THSD7B: variants seen among roughly 807,000 people sequenced by gnomAD.
THSD7B encodes the protein thrombospondin type-1 domain-containing protein 7B.
In THSD7B, 138 loss-of-function variants were observed where a neutral mutation model predicts 213.6. The ratio of observed to expected loss-of-function variants is 0.65; its 90% CI spans 0.56 to 0.74. The LOEUF is 0.74. Among genes scored for constraint, THSD7B ranks in the 30% least tolerant of loss-of-function variants. The probability of loss-of-function intolerance (pLI) is 0.00; values close to 1 mark genes in which losing one functional copy is unlikely to be tolerated. For missense variants in THSD7B, 1,931 were observed against 1,991.5 expected (o/e 0.97, Z 0.58); for synonymous variants, 742 against 687.0 (o/e 1.08, Z -1.25).
chr2:137,275,965 GTC>G lies in THSD7B; in HGVS notation c.2441_2442del (p.Ser814CysfsTer10), dbSNP rs781392413. Reference protein sequence around the residue: ...KWSPCILVPESVWQGITGSSE... With the variant: ...KWSPCILVPEXVWQGITGSSE... ...GGAGCCCTTGCATCTTAGTGCCAGA[GTC>G]TGTCTGGCAGGGAATAACGGGCAGC... is the stretch of plus-strand genomic sequence containing the variant. On this transcript the variant is annotated frameshift_variant, in exon 12 of 28. Transcript: ENST00000409968. LOFTEE classifies it high-confidence loss of function. 8.1e-6 allele frequency: 13 copies of G among 1,612,212 alleles called. No individual in the cohort carries two copies. Among genetic ancestry groups the G allele is most frequent in the Non-Finnish European group, 1.0e-5 (12 of 1,178,954 alleles).
chr2:137,364,482 A>G (rs1381781465), intron 12 of THSD7B, among the ~76,000 whole-genome samples: 1 of 152,248 alleles, frequency 6.6e-6, no homozygotes, highest in African/African-American at 2.4e-5. Flanking sequence ...ACATGATTGT[A>G]TATTTAGAAA....
At chr2:136,828,319 A>G (rs1049527088) in intron 1 of THSD7B, among the ~76,000 whole-genome samples, 2 of 152,092 alleles carry the variant, frequency 1.3e-5, no homozygotes, top group Non-Finnish European at 2.9e-5. Flanking sequence ...AGGAACTATC[A>G]TTGACAACTG....
intron 4 of THSD7B, among the ~76,000 whole-genome samples, chr2:137,104,618 G>A (rs1688212716): frequency 6.6e-6 from 1 of 152,092 alleles, no homozygotes; most frequent in Admixed American, 6.5e-5. Flanking sequence ...ATGAATCCAA[G>A]AGCTTGTTTT....
chr2:137,106,093 T>G (rs752529747), intron 4 of THSD7B, among the ~76,000 whole-genome samples: 1 of 152,044 alleles, frequency 6.6e-6, no homozygotes, highest in Non-Finnish European at 1.5e-5. Flanking sequence ...CCAAGAGATA[T>G]CCCAAGCAAA....
chr2:137,286,189 G>A (rs1429372891), intron 12 of THSD7B, among the ~76,000 whole-genome samples: 2 of 151,798 alleles, frequency 1.3e-5, no homozygotes, highest in Admixed American at 6.6e-5. Context: ...TAAGTTGATT[G>A]CCTGAGTTGG....
chr2:137,541,391 A>C (rs1442155459), intron 15 of THSD7B, among the ~76,000 whole-genome samples: 1 of 151,678 alleles, frequency 6.6e-6, no homozygotes, highest in Non-Finnish European at 1.5e-5. Context: ...GGAGACAACT[A>C]TTTTTCAAAT....
chr2:137,520,548 A>C (rs1349350312), intron 15 of THSD7B, among the ~76,000 whole-genome samples: 2 of 152,224 alleles, frequency 1.3e-5, no homozygotes, highest in African/African-American at 4.8e-5. Context: ...AAAGCACTAA[A>C]TTTATAAGAG....
chr2:137,354,762 C>G (rs1236017349), intron 12 of THSD7B, among the ~76,000 whole-genome samples: 2 of 151,552 alleles, frequency 1.3e-5, no homozygotes, highest in African/African-American at 4.8e-5. Flanking sequence ...GTCCGAAAAA[C>G]AGCCCATAAA....
chr2:136,805,419 GT>G (rs1682264045), intron 1 of THSD7B, among the ~76,000 whole-genome samples: 1 of 152,226 alleles, frequency 6.6e-6, no homozygotes, highest in Admixed American at 6.5e-5. Context: ...GAGATGATCT[GT>G]TTCATGAATC....
At chr2:137,298,286 A>G (rs148951368) in intron 12 of THSD7B, among the ~76,000 whole-genome samples, 342 of 152,254 alleles carry the variant, frequency 2.2e-3, no homozygotes, top group African/African-American at 8.0e-3. Context: ...GAGGTGATTT[A>G]GGGTACCTGG....
chr2:137,126,405 C>A (rs1688628933), intron 5 of THSD7B, among the ~76,000 whole-genome samples: 1 of 152,146 alleles, frequency 6.6e-6, no homozygotes, highest in South Asian at 2.1e-4. Context: ...GAGATAGCTC[C>A]TTTTTAAACC....
Position 137,133,133 on chromosome 2 carries a change from A to G in THSD7B, c.1369+17840A>G, listed in dbSNP as rs555702744. ...TTGACTTTTGCCTTGGATTATTATC[A>G]CACTGAATACCTAGGAAATCCACTC... On this transcript the variant is annotated intron_variant, in intron 5 of 27. Transcript: ENST00000409968. Among the ~76,000 whole-genome samples, 17 of 150,772 alleles carry G rather than the reference A, an allele frequency of 1.1e-4. 1 individual carries two copies. The South Asian group carries it at 2.3e-3, about 20-fold the overall frequency.
At chr2:137,261,956 G>A (rs985395173) in intron 10 of THSD7B, among the ~76,000 whole-genome samples, 3 of 150,262 alleles carry the variant, frequency 2.0e-5, no homozygotes, top group African/African-American at 7.4e-5. Context: ...TTGTGGTTGA[G>A]CCATAGCGAG....
chr2:136,802,642 TATATATATA>T, intron 1 of THSD7B, among the ~76,000 whole-genome samples: 1 of 60,360 alleles, frequency 1.7e-5, no homozygotes, highest in East Asian at 5.8e-4. Context: ...ATTAAGTTTA[TATATATATA>T]TATATATATA....
chr2:136,933,911 A>G (rs1443529754), intron 2 of THSD7B, among the ~76,000 whole-genome samples: 1 of 152,222 alleles, frequency 6.6e-6, no homozygotes, highest in Non-Finnish European at 1.5e-5. Flanking sequence ...CAGATCTTCC[A>G]AATTCATAGC....
intron 2 of THSD7B, among the ~76,000 whole-genome samples, chr2:136,885,082 T>C (rs1683694067): frequency 6.6e-6 from 1 of 152,196 alleles, no homozygotes; most frequent in Non-Finnish European, 1.5e-5. Context: ...ATTTTTAGGG[T>C]ATGTTATCAA....
intron 2 of THSD7B, among the ~76,000 whole-genome samples, chr2:136,965,049 T>C (rs1011135856): frequency 6.6e-6 from 1 of 151,436 alleles, no homozygotes; most frequent in Non-Finnish European, 1.5e-5. Context: ...ATACCAGCTG[T>C]CTGTATTGTC....
chr2:137,196,627 G>A (rs372094289), intron 7 of THSD7B, among the ~76,000 whole-genome samples: 1 of 152,090 alleles, frequency 6.6e-6, no homozygotes, highest in African/African-American at 2.4e-5. Flanking sequence ...TTGTCCATGT[G>A]GGTGGCTGAG....
At chr2:136,831,286 A>G (rs192100601) in intron 1 of THSD7B, among the ~76,000 whole-genome samples, 39 of 152,312 alleles carry the variant, frequency 2.6e-4, no homozygotes, top group Admixed American at 6.5e-4. Flanking sequence ...CATATTTAGT[A>G]CTTAATATTT....
Sources: gnomAD v4.1 joint callset for allele counts (sites outside exome capture counted in the v4.1 genomes callset) on GRCh38, gnomAD v4.1.1 for gene constraint, MANE v1.5 for transcripts, NCBI Gene and HGNC (gene_info 2026-07-23, HGNC 2026-07-21) for gene names.